DAB1: variants seen among roughly 807,000 people sequenced by gnomAD.
DAB1 encodes disabled homolog 1.
In DAB1, 15 loss-of-function variants were observed where a neutral mutation model predicts 64.6. The ratio of observed to expected loss-of-function variants is 0.23; its 90% CI spans 0.16 to 0.36. The LOEUF is 0.36. DAB1 is among the 10% of genes least tolerant of loss of function. The probability of loss-of-function intolerance (pLI) is 1.00; values close to 1 mark genes in which losing one functional copy is unlikely to be tolerated. For synonymous variants in DAB1, 235 were observed against 251.9 expected (o/e 0.93, Z 0.64); for missense variants, 596 against 706.7 (o/e 0.84, Z 1.78).
At chr1:58,276,939 T>C (rs1661460218) in intron 4 of DAB1, among the ~76,000 whole-genome samples, 1 of 152,148 alleles carries the variant, frequency 6.6e-6, no homozygotes, top group Non-Finnish European at 1.5e-5. Context: ...GGGTCCCCTT[T>C]TGTGCCGTGT....
intron 1 of DAB1, among the ~76,000 whole-genome samples, chr1:57,380,951 A>G (rs916681280): frequency 6.6e-6 from 1 of 152,180 alleles, no homozygotes; most frequent in Admixed American, 6.5e-5. Context: ...TGAGTCTCCT[A>G]TATCTCCTCC....
intron 7 of DAB1, among the ~76,000 whole-genome samples, chr1:57,572,059 C>A (rs549718829): frequency 1.5e-4 from 23 of 152,218 alleles, no homozygotes; most frequent in African/African-American, 5.1e-4. Flanking sequence ...TGGCCAGCTG[C>A]GAGTGGCACT....
chr1:57,611,387 T>C (rs1645724855), intron 7 of DAB1, among the ~76,000 whole-genome samples: 1 of 152,176 alleles, frequency 6.6e-6, no homozygotes, highest in Non-Finnish European at 1.5e-5. Context: ...CCAGCATTTC[T>C]TTTGAGGGAA....
chr1:57,340,380 T>C (rs552827702), intron 1 of DAB1, among the ~76,000 whole-genome samples: 22 of 152,336 alleles, frequency 1.4e-4, no homozygotes, highest in Admixed American at 3.9e-4. Context: ...CTGGATCTAA[T>C]GAGGAGAAGA....
intron 1 of DAB1, among the ~76,000 whole-genome samples, chr1:57,356,623 T>C (rs1357004437): frequency 6.6e-6 from 1 of 152,030 alleles, no homozygotes; most frequent in Non-Finnish European, 1.5e-5. Context: ...CCCTAGGATA[T>C]TTCTAAGTAT....
chr1:58,213,586 C>A (rs1658681407), intron 4 of DAB1, among the ~76,000 whole-genome samples: 1 of 151,836 alleles, frequency 6.6e-6, no homozygotes, highest in Non-Finnish European at 1.5e-5. Flanking sequence ...ATGGTGGTAA[C>A]CACCACCATG....
At chr1:58,057,149 T>C (rs1648171835) in intron 5 of DAB1, among the ~76,000 whole-genome samples, 1 of 152,174 alleles carries the variant, frequency 6.6e-6, no homozygotes, top group Non-Finnish European at 1.5e-5. Context: ...GCATATTACA[T>C]GTGTAAAGTG....
chr1:57,505,740 G>A (rs182519945), intron 7 of DAB1, among the ~76,000 whole-genome samples: 99 of 152,082 alleles, frequency 6.5e-4, no homozygotes, highest in African/African-American at 2.3e-3. Context: ...GCTCAATCAC[G>A]GCTCACTGCA....
chr1:57,494,562 G>A (rs1644207021), intron 7 of DAB1, among the ~76,000 whole-genome samples: 1 of 152,176 alleles, frequency 6.6e-6, no homozygotes, highest in Non-Finnish European at 1.5e-5. Context: ...ATAGAAGAGA[G>A]AGTCCTTCAG....
intron 1 of DAB1, among the ~76,000 whole-genome samples, chr1:58,532,590 C>G (rs1043412126): frequency 6.6e-6 from 1 of 152,070 alleles, no homozygotes; most frequent in Non-Finnish European, 1.5e-5. Flanking sequence ...TGCAGTGGTG[C>G]GATCATGGCT....
At chr1:57,751,112 T>C (rs1648530343) in intron 6 of DAB1, among the ~76,000 whole-genome samples, 1 of 151,970 alleles carries the variant, frequency 6.6e-6, no homozygotes, top group African/African-American at 2.4e-5. Context: ...TGGTACACAA[T>C]CCAAAGGTTG....
chr1:56,996,143 G>A lies in DAB1; in HGVS notation c.*2001C>T, dbSNP rs1645607086. 1 of 152,142 alleles carries A rather than the reference G, an allele frequency of 6.6e-6. No individual in the cohort carries two copies. The highest frequency in any genetic ancestry group is 2.4e-5 in the African/African-American group (1 of 41,432). The allele number at this position is 152,142 out of a possible 1,614,324, so 9.4% of individuals were successfully genotyped here. On this transcript the variant is annotated 3_prime_UTR_variant, in exon 15 of 15. Coordinates refer to ENST00000371236, the MANE Select transcript of DAB1 (RefSeq NM_001365792.1). ...GTATCACTTTTCGCTTTGTGAACAAGTATACAATCATTTTTCAAATGAATC... is the reference window on the plus strand; with the variant it reads ...GTATCACTTTTCGCTTTGTGAACAAATATACAATCATTTTTCAAATGAATC...
At chr1:57,712,687 G>A (rs762649119) in intron 6 of DAB1, among the ~76,000 whole-genome samples, 2 of 152,222 alleles carry the variant, frequency 1.3e-5, no homozygotes, top group Non-Finnish European at 2.9e-5. Context: ...ACGAGAGTGT[G>A]TAAATATTAT....
chr1:57,440,847 T>G (rs1010529089), intron 7 of DAB1, among the ~76,000 whole-genome samples: 3 of 152,210 alleles, frequency 2.0e-5, no homozygotes, highest in Admixed American at 6.5e-5. Context: ...CTATTTGAAA[T>G]TAGAGTTTCA....
rs149760385 is a variant in DAB1, at chr1:58,125,784, T to C, written n.387+24727A>G. ...TTTTATGGGACATTTAAATGCATTCTCTTCTGCTGATCACTATGAGGTACA... is the reference window on the plus strand; with the variant it reads ...TTTTATGGGACATTTAAATGCATTCCCTTCTGCTGATCACTATGAGGTACA... On this transcript the variant is annotated intron_variant and non_coding_transcript_variant, in intron 5 of 20. Coordinates refer to the DAB1 transcript ENST00000485760. Among the ~76,000 whole-genome samples, 501 of 152,228 alleles carry C rather than the reference T, an allele frequency of 3.3e-3. 3 individuals carry two copies. Among genetic ancestry groups the C allele is most frequent in the African/African-American group, 0.012 (484 of 41,528 alleles).
chr1:57,202,680 T>G (rs1022440381), intron 2 of DAB1, among the ~76,000 whole-genome samples: 23 of 152,222 alleles, frequency 1.5e-4, no homozygotes, highest in African/African-American at 5.5e-4. Flanking sequence ...AAAAGCATTT[T>G]CACATCCATC....
chr1:58,472,546 G>A (rs1484133687), intron 3 of DAB1, among the ~76,000 whole-genome samples: 1 of 152,192 alleles, frequency 6.6e-6, no homozygotes, highest in Non-Finnish European at 1.5e-5. Flanking sequence ...TGTGGCCCCT[G>A]AGCTTGACCA....
chr1:57,490,487 G>T (rs1436707824), intron 7 of DAB1, among the ~76,000 whole-genome samples: 2 of 151,516 alleles, frequency 1.3e-5, no homozygotes, highest in Non-Finnish European at 2.9e-5. Flanking sequence ...GATTGCCTAG[G>T]CTGCTTTAAC....
At chr1:57,328,095 G>C (rs1193249572) in intron 1 of DAB1, among the ~76,000 whole-genome samples, 1 of 152,160 alleles carries the variant, frequency 6.6e-6, no homozygotes, top group Non-Finnish European at 1.5e-5. Flanking sequence ...CATGATGGCT[G>C]TTGCATCCTG....
Sources: allele counts gnomAD v4.1 joint callset (sites outside exome capture counted in the v4.1 genomes callset), GRCh38; gene constraint gnomAD v4.1.1; transcripts MANE v1.5; gene names NCBI Gene and HGNC (gene_info 2026-07-23, HGNC 2026-07-21).